AFG2A: variants seen among roughly 807,000 people sequenced by gnomAD.
AFG2A encodes the protein AAA ATPase AFG2A.
the AFG2A span, among the ~76,000 whole-genome samples, chr4:123,185,429 A>G: frequency 6.6e-6 from 1 of 151,792 alleles, no homozygotes; most frequent in Non-Finnish European, 1.5e-5. Context: ...TTGTCATGCA[A>G]CTCTGTGAGA....
chr4:123,044,211 C>T, the AFG2A span, among the ~76,000 whole-genome samples: 1 of 152,154 alleles, frequency 6.6e-6, no homozygotes, highest in Non-Finnish European at 1.5e-5. Context: ...GTTTGCACAA[C>T]TTTAATTTTT....
the AFG2A span, among the ~76,000 whole-genome samples, chr4:123,041,110 T>C: frequency 6.6e-6 from 1 of 150,892 alleles, no homozygotes; most frequent in African/African-American, 2.4e-5. Context: ...ATTTTTTATT[T>C]ATTATTATTA....
At chr4:123,260,397 A>G in the AFG2A span, among the ~76,000 whole-genome samples, 17 of 152,234 alleles carry the variant, frequency 1.1e-4, no homozygotes, top group Non-Finnish European at 1.8e-4. Context: ...CAAGATCTTC[A>G]TGCCAGCTTG....
chr4:123,010,361 G>C, the AFG2A span, among the ~76,000 whole-genome samples: 182 of 151,510 alleles, frequency 1.2e-3, no homozygotes, highest in African/African-American at 4.1e-3. Context: ...ATAATTTTTT[G>C]TCTAGTCCTT....
the AFG2A span, among the ~76,000 whole-genome samples, chr4:122,998,061 G>A: frequency 6.6e-6 from 1 of 152,144 alleles, no homozygotes; most frequent in East Asian, 1.9e-4. Flanking sequence ...TATCAGATAT[G>A]TTATTTGCAC....
At chr4:123,110,044 T>G in the AFG2A span, among the ~76,000 whole-genome samples, 789 of 152,282 alleles carry the variant, frequency 5.2e-3, 2 homozygotes, top group African/African-American at 0.018. Context: ...CTTCTCACTT[T>G]AGCTACATGT....
the AFG2A span, among the ~76,000 whole-genome samples, chr4:123,116,018 G>A: frequency 6.6e-6 from 1 of 151,990 alleles, no homozygotes; most frequent in Non-Finnish European, 1.5e-5. Flanking sequence ...TCCTGCCTTA[G>A]CCACCCAAGT....
the AFG2A span, among the ~76,000 whole-genome samples, chr4:123,115,284 T>A: frequency 6.6e-6 from 1 of 152,054 alleles, no homozygotes; most frequent in Admixed American, 6.5e-5. Context: ...AACCCAGTTG[T>A]CGGGAGCGCC....
At chr4:122,962,234 G>A in the AFG2A span, among the ~76,000 whole-genome samples, 1 of 152,170 alleles carries the variant, frequency 6.6e-6, no homozygotes, top group Admixed American at 6.5e-5. Flanking sequence ...GCTAGTACCA[G>A]CCCATGGGCC....
At chr4:122,943,343 G>C in the AFG2A span, among the ~76,000 whole-genome samples, 1 of 152,170 alleles carries the variant, frequency 6.6e-6, no homozygotes, top group African/African-American at 2.4e-5. Flanking sequence ...TATATATTTA[G>C]GATAGTTAGC....
the AFG2A span, among the ~76,000 whole-genome samples, chr4:123,257,399 C>T: frequency 6.6e-6 from 1 of 152,212 alleles, no homozygotes; most frequent in East Asian, 1.9e-4. Context: ...TTGAAAATAT[C>T]GTAAGTCAAA....
the AFG2A span, among the ~76,000 whole-genome samples, chr4:122,985,185 G>C: frequency 3.3e-5 from 5 of 151,094 alleles, no homozygotes; most frequent in Admixed American, 2.6e-4. Context: ...GAGTGCAATG[G>C]TGCAATCTCG....
chr4:122,981,751 G>A, the AFG2A span, among the ~76,000 whole-genome samples: 2 of 151,120 alleles, frequency 1.3e-5, no homozygotes, highest in East Asian at 1.9e-4. Context: ...AAGTTTTTTC[G>A]GTATATTTAA....
chr4:123,278,259 A>G, the AFG2A span, among the ~76,000 whole-genome samples: 4 of 152,188 alleles, frequency 2.6e-5, no homozygotes, highest in African/African-American at 9.6e-5. Flanking sequence ...AGAGGTCTTC[A>G]TAGTACTCTC....
the AFG2A span, among the ~76,000 whole-genome samples, chr4:123,198,097 C>T: frequency 3.9e-5 from 6 of 151,948 alleles, no homozygotes; most frequent in Non-Finnish European, 2.9e-5. Context: ...AGTGAAATCC[C>T]GTATCTGCTA....
chr4:122,944,188 G>A, the AFG2A span, among the ~76,000 whole-genome samples: 7 of 152,170 alleles, frequency 4.6e-5, no homozygotes, highest in Non-Finnish European at 5.9e-5. Flanking sequence ...GGCCTGCCTC[G>A]CTAGATTGGG....
chr4:123,001,223 G>T, the AFG2A span, among the ~76,000 whole-genome samples: 126,036 of 151,618 alleles, frequency 0.83, 53,539 homozygotes, highest in East Asian at 0.95. Flanking sequence ...TGCTAGCGGT[G>T]TATCAATTTT....
At chr4:122,942,212 C>T in the AFG2A span, among the ~76,000 whole-genome samples, 2 of 149,332 alleles carry the variant, frequency 1.3e-5, no homozygotes, top group South Asian at 4.3e-4. Context: ...GGAACGGTAC[C>T]AGTTCCTCCT....
the AFG2A span, among the ~76,000 whole-genome samples, chr4:123,237,791 A>G: frequency 1.3e-5 from 2 of 151,698 alleles, no homozygotes; most frequent in South Asian, 4.2e-4. Context: ...TGCGTTTCCA[A>G]CTGGGGTGAC....
Sources: gnomAD v4.1 joint callset for allele counts (sites outside exome capture counted in the v4.1 genomes callset) on GRCh38, gnomAD v4.1.1 for gene constraint, MANE v1.5 for transcripts, NCBI Gene and HGNC (gene_info 2026-07-23, HGNC 2026-07-21) for gene names.